Variants in AOX1 observed in about 807,000 individuals in gnomAD.
AOX1 encodes the protein aldehyde oxidase.
A neutral mutation model predicts 169.5 loss-of-function variants in AOX1; 153 were observed. The observed-to-expected ratio is 0.90, with a 90% confidence interval of 0.79 to 1.03. The LOEUF is 1.03. AOX1 is among the 50% of genes least tolerant of loss of function. The probability of loss-of-function intolerance (pLI) is 0.00; values close to 1 mark genes in which losing one functional copy is unlikely to be tolerated. For synonymous variants in AOX1, 562 were observed against 581.9 expected, an observed-to-expected ratio of 0.97 and a Z score of 0.49; for missense variants, 1,656 against 1,663.9, an observed-to-expected ratio of 1.00 and a Z score of 0.08.
Position 200,608,996 on chromosome 2 carries a change from G to T in AOX1, c.920G>T (p.Gly307Val). 6.2e-7 allele frequency: 1 copy of T among 1,613,810 alleles called. No individual in the cohort carries two copies. The highest frequency in any genetic ancestry group is 1.1e-5 in the South Asian group (1 of 91,004). The change falls in exon 11 of 35, where the codon GGT becomes GTT. Residue 307 changes from glycine to valine, a missense_variant. Physicochemically the swap from Gly to Val is moderately radical, Grantham distance 109 (BLOSUM62 -3). Transcript: ENST00000374700. ...GACTTCATTTCAGGACTCACCCTTG[G>T]TGCTGGTCTCAGCCTAGCCCAGGTG... ...VNHAYNGLTL[G>V]AGLSLAQVKD...
intron 1 of AOX1, among the ~76,000 whole-genome samples, chr2:200,588,726 C>CTTTTTTTTTTTTTTTTGTTT (rs2034097268): frequency 1.9e-5 from 1 of 53,986 alleles, no homozygotes; most frequent in African/African-American, 6.2e-5. Context: ...CTAGAATAAG[C>CTTTTTTTTTTTTTTTTGTTT]TTTTTTTTTT....
chr2:200,627,552 T>C, intron 20 of AOX1, 103 bp downstream of exon 20: 1 of 799,232 alleles, frequency 1.3e-6, no homozygotes, highest in East Asian at 2.5e-5. Context: ...TAGGGGGGTG[T>C]TGCTCCTCAG....
chr2:200,656,707 AAC>A, intron 26 of AOX1, 133 bp from the exon 27 acceptor site: 2 of 501,738 alleles, frequency 4.0e-6, no homozygotes, highest in Non-Finnish European at 3.3e-6. Context: ...CCCAAAAAGA[AAC>A]CTAAAATGTT....
At chr2:200,635,062 T>A (rs1220139570) in intron 21 of AOX1, 147 bp downstream of exon 21, 1 of 884,712 alleles carries the variant, frequency 1.1e-6, no homozygotes, top group Non-Finnish European at 1.7e-6. Context: ...CAGTGATCTA[T>A]GATCACACCA....
chr2:200,645,860 T>G (rs113776432), intron 25 of AOX1, among the ~76,000 whole-genome samples: 17,008 of 152,142 alleles, frequency 0.11, 1,602 homozygotes, highest in East Asian at 0.25. Context: ...GTGCACAAAG[T>G]TGCTCATAGT....
At chr2:200,655,792 A>G (rs1302594062) in intron 26 of AOX1, among the ~76,000 whole-genome samples, 2 of 152,222 alleles carry the variant, frequency 1.3e-5, no homozygotes, top group Non-Finnish European at 2.9e-5. Flanking sequence ...GCAGCTTGGA[A>G]GGCCCTTCTG....
chr2:200,624,430 G>A (rs1481558394), intron 19 of AOX1, among the ~76,000 whole-genome samples: 3 of 152,112 alleles, frequency 2.0e-5, no homozygotes, highest in Non-Finnish European at 4.4e-5. Flanking sequence ...AAGTAAGTGG[G>A]CTATGTAGGG....
rs1195860847 is a variant in AOX1, at chr2:200,641,108, T to A, written c.2579T>A (p.Met860Lys). The A allele has an allele frequency of 1.2e-6, 2 of 1,613,350 alleles. No homozygotes were observed. Among genetic ancestry groups the A allele is most frequent in the South Asian group, 1.1e-5 (1 of 90,988 alleles). The change falls in exon 24 of 35, where the codon ATG becomes AAG. Residue 860 changes from methionine to lysine, a missense_variant. Coordinates refer to ENST00000374700, the MANE Select transcript of AOX1 (RefSeq NM_001159.4). ...GGTTCTCTTCCCCAGGCTGGATTCATGAACGATGGCAGAATCTTGGCCCTG... is the reference window on the plus strand; with the variant it reads ...GGTTCTCTTCCCCAGGCTGGATTCAAGAACGATGGCAGAATCTTGGCCCTG... ...PYLGKYKAGF[M>K]NDGRILALDM...
intron 25 of AOX1, among the ~76,000 whole-genome samples, chr2:200,650,163 C>T (rs1332774613): frequency 2.0e-5 from 3 of 152,228 alleles, no homozygotes; most frequent in Non-Finnish European, 4.4e-5. Flanking sequence ...TGTCCTGCCA[C>T]ATTTGGTAGC....
chr2:200,670,056 T>C (rs1174812328), intron 34 of AOX1, among the ~76,000 whole-genome samples: 1 of 152,006 alleles, frequency 6.6e-6, no homozygotes, highest in Non-Finnish European at 1.5e-5. Context: ...GGAATAGAAG[T>C]TCAGGAACTA....
At chr2:200,592,095 G>T (rs2034185080) in intron 1 of AOX1, among the ~76,000 whole-genome samples, 1 of 152,160 alleles carries the variant, frequency 6.6e-6, no homozygotes, top group Non-Finnish European at 1.5e-5. Context: ...AAAATAAAGA[G>T]TTCCATTTGA....
chr2:200,676,308 G>A (rs2036096356), downstream of AOX1, among the ~76,000 whole-genome samples: 1 of 152,120 alleles, frequency 6.6e-6, no homozygotes, highest in Non-Finnish European at 1.5e-5. Context: ...GCTTTAAGAA[G>A]ATGGTTTAAG....
intron 25 of AOX1, among the ~76,000 whole-genome samples, chr2:200,648,410 G>C (rs2035508261): frequency 6.6e-6 from 1 of 152,222 alleles, no homozygotes; most frequent in Admixed American, 6.5e-5. Context: ...CTGGTACTGA[G>C]GGTTGTCTGC....
At chr2:200,594,682 A>G (rs1040168021) in intron 2 of AOX1, among the ~76,000 whole-genome samples, 6 of 152,202 alleles carry the variant, frequency 3.9e-5, no homozygotes, top group African/African-American at 1.4e-4. Flanking sequence ...AGTAGCCAGC[A>G]TTGTTAATGA....
intron 25 of AOX1, among the ~76,000 whole-genome samples, chr2:200,645,899 G>A (rs1208198562): frequency 6.6e-6 from 1 of 152,110 alleles, no homozygotes; most frequent in African/African-American, 2.4e-5. Context: ...GTATTTCAGT[G>A]TTGTCAGTTG....
At chr2:200,657,190 A>ATATATATATATATCTATATATTTTTT in intron 27 of AOX1, among the ~76,000 whole-genome samples, 1 of 62,916 alleles carries the variant, frequency 1.6e-5, no homozygotes, top group Non-Finnish European at 2.6e-5. Flanking sequence ...ATATATATAT[A>ATATATATATATATCTATATATTTTTT]TTTTTTTTTT....
chr2:200,665,306 G>A (rs960953625), intron 31 of AOX1, among the ~76,000 whole-genome samples: 2 of 152,192 alleles, frequency 1.3e-5, no homozygotes, highest in Non-Finnish European at 2.9e-5. Context: ...ACTACATATG[G>A]ATGTGAATAC....
Position 200,623,969 on chromosome 2 carries a change from A to G in AOX1, c.2110A>G (p.Ile704Val), listed in dbSNP as rs1258436516. The change falls in exon 19 of 35, where the codon ATA becomes GTA. Residue 704 changes from isoleucine to valine, a missense_variant. Ile to Val is a conservative substitution (Grantham distance 29). Coordinates refer to ENST00000374700, the MANE Select transcript of AOX1 (RefSeq NM_001159.4). ...KIVYQDLEPL[I>V]LTIEESIQHN... is the part of the protein sequence containing the mutation. Reference sequence around the variant, plus strand: ...TGTCTATCAAGACTTGGAGCCGCTGATACTAACAATTGAGGTAATGAGTTC... The same window carrying G: ...TGTCTATCAAGACTTGGAGCCGCTGGTACTAACAATTGAGGTAATGAGTTC... 6.2e-7 allele frequency: 1 copy of G among 1,614,120 alleles called. No individual in the cohort carries two copies.
At chr2:200,660,976 A>G (rs1170448728) in intron 29 of AOX1, among the ~76,000 whole-genome samples, 1 of 152,208 alleles carries the variant, frequency 6.6e-6, no homozygotes, top group Non-Finnish European at 1.5e-5. Context: ...AGATGCAGCC[A>G]TTCAGCCCAC....
Sources: gnomAD v4.1 joint callset for allele counts (sites outside exome capture counted in the v4.1 genomes callset) on GRCh38, gnomAD v4.1.1 for gene constraint, MANE v1.5 for transcripts, NCBI Gene and HGNC (gene_info 2026-07-23, HGNC 2026-07-21) for gene names.